LRRC4C: variants seen among roughly 807,000 people sequenced by gnomAD.
LRRC4C encodes leucine rich repeat containing 4C, also known as leucine-rich repeat-containing protein 4C.
A neutral mutation model predicts 33.6 loss-of-function variants in LRRC4C; 5 were observed. That is an observed-to-expected ratio of 0.15 (90% confidence interval 0.08 to 0.31). The LOEUF is 0.31. LRRC4C is among the 10% of genes least tolerant of loss of function. The probability of loss-of-function intolerance (pLI) is 1.00; values close to 1 mark genes in which losing one functional copy is unlikely to be tolerated. For missense variants in LRRC4C, 560 were observed against 796.7 expected, an observed-to-expected ratio of 0.70 and a Z score of 3.58; for synonymous variants, 329 against 302.0, an observed-to-expected ratio of 1.09 and a Z score of -0.93.
intron 1 of LRRC4C, among the ~76,000 whole-genome samples, chr11:40,992,087 C>T (rs951348894): frequency 2.0e-5 from 3 of 152,144 alleles, no homozygotes; most frequent in Admixed American, 2.0e-4. Flanking sequence ...TTTCACATAT[C>T]ACATATCCAC....
intron 3 of LRRC4C, among the ~76,000 whole-genome samples, chr11:40,494,559 GT>G (rs1954329059): frequency 6.6e-6 from 1 of 151,956 alleles, no homozygotes; most frequent in Admixed American, 6.6e-5. Context: ...CTATGTTTCT[GT>G]TTTACATATG....
chr11:41,401,585 G>T (rs1591437449), intron 1 of LRRC4C, among the ~76,000 whole-genome samples: 1 of 151,860 alleles, frequency 6.6e-6, no homozygotes, highest in East Asian at 1.9e-4. Flanking sequence ...GGATTTAACT[G>T]GCAAAGGACA....
intron 1 of LRRC4C, among the ~76,000 whole-genome samples, chr11:41,445,783 C>CA (rs1181247550): frequency 1.3e-5 from 2 of 150,938 alleles, no homozygotes; most frequent in Admixed American, 6.6e-5. Context: ...TATTTTATAA[C>CA]AAAAAAAGAA....
Position 40,646,764 on chromosome 11 carries a change from G to A in LRRC4C, c.-270+1378C>T, listed in dbSNP as rs12288703. Among the ~76,000 whole-genome samples the A allele has an allele frequency of 6.2e-3, 948 of 152,132 alleles. 16 individuals carry two copies. Among genetic ancestry groups the A allele is most frequent in the African/African-American group, 0.022 (894 of 41,516 alleles). On this transcript the variant is annotated intron_variant, in intron 3 of 6. Coordinates refer to ENST00000528697, the MANE Select transcript of LRRC4C (RefSeq NM_001258419.2). ...TGGGACTACAGGCGCCCACCACCGC[G>A]CCCAGCTAATTTTTCGTATTTTCAG... is the stretch of plus-strand genomic sequence containing the variant.
chr11:40,689,006 A>G (rs949784583), intron 2 of LRRC4C, among the ~76,000 whole-genome samples: 3 of 152,136 alleles, frequency 2.0e-5, no homozygotes, highest in Non-Finnish European at 2.9e-5. Context: ...GTTGGAAAAC[A>G]GCGGATGAGG....
At chr11:40,262,894 T>TG (rs1941964620) in intron 4 of LRRC4C, among the ~76,000 whole-genome samples, 2 of 151,596 alleles carry the variant, frequency 1.3e-5, no homozygotes, top group African/African-American at 4.9e-5. Context: ...GGCGGGTTGA[T>TG]GGGTGCAGCA....
At chr11:41,079,665 C>T (rs1939418860) in intron 1 of LRRC4C, among the ~76,000 whole-genome samples, 1 of 152,164 alleles carries the variant, frequency 6.6e-6, no homozygotes, top group Non-Finnish European at 1.5e-5. Flanking sequence ...AATATGAAAG[C>T]TTAGAACAAA....
At chr11:41,369,615 T>C (rs1021579276) in intron 1 of LRRC4C, among the ~76,000 whole-genome samples, 1 of 152,084 alleles carries the variant, frequency 6.6e-6, no homozygotes, top group African/African-American at 2.4e-5. Flanking sequence ...GCAGGATTTA[T>C]GCTAGATCTA....
chr11:40,472,451 AGCT>A, intron 3 of LRRC4C, among the ~76,000 whole-genome samples: 1 of 150,420 alleles, frequency 6.6e-6, no homozygotes, highest in African/African-American at 2.4e-5. Flanking sequence ...TCTGGGACAC[AGCT>A]AAAGAAGTGT....
intron 2 of LRRC4C, among the ~76,000 whole-genome samples, chr11:40,762,577 CCT>C (rs1949269775): frequency 6.6e-6 from 1 of 152,016 alleles, no homozygotes; most frequent in Non-Finnish European, 1.5e-5. Context: ...AGTCTGTTCC[CCT>C]GTCATAGTAT....
In LRRC4C at chr11:40,710,941, G is replaced by A. The variant is rs544382136; in HGVS notation, c.-406-62663C>T. On this transcript the variant is annotated intron_variant, in intron 2 of 6. Coordinates refer to ENST00000528697, the MANE Select transcript of LRRC4C (RefSeq NM_001258419.2). ...CTCCCCTAGTCAGGCTTGCTGCCTC[G>A]CAATATGATCTGAGACTAGCAGTGG... is the stretch of plus-strand genomic sequence containing the variant. Among the ~76,000 whole-genome samples, 14 of 152,224 alleles carry A rather than the reference G, an allele frequency of 9.2e-5. No homozygotes were observed. In the South Asian group the frequency reaches 1.9e-3, roughly 20 times the overall value.
intron 1 of LRRC4C, among the ~76,000 whole-genome samples, chr11:41,371,978 T>C (rs1406383870): frequency 6.6e-6 from 1 of 151,966 alleles, no homozygotes; most frequent in South Asian, 2.1e-4. Flanking sequence ...TACTAAAAAA[T>C]ACAAAGAAAT....
At chr11:40,945,548 C>A (rs1405057336) in intron 1 of LRRC4C, among the ~76,000 whole-genome samples, 1 of 152,104 alleles carries the variant, frequency 6.6e-6, no homozygotes, top group Non-Finnish European at 1.5e-5. Flanking sequence ...CCTTACAACT[C>A]CAATTTCAAA....
At position 40,802,456 on chromosome 11, in the gene LRRC4C, A is replaced by T. The variant is rs373314383; in HGVS notation, c.-407+131179T>A. ...AGAGAAATGCTGCTGAAACCAGAGC[A>T]TTTAATAAAACACCCAGAAATTGGA... On this transcript the variant is annotated intron_variant, in intron 2 of 6. Transcript: ENST00000528697. 2.0e-5 allele frequency among the ~76,000 whole-genome samples: 3 copies of T among 152,144 alleles called. No homozygotes were observed. The East Asian group carries it at 5.8e-4, about 29-fold the overall frequency.
chr11:41,342,173 C>T (rs549863019), intron 1 of LRRC4C, among the ~76,000 whole-genome samples: 42 of 151,542 alleles, frequency 2.8e-4, no homozygotes, highest in Non-Finnish European at 4.6e-4. Context: ...GACAACACTG[C>T]CTAAAATATT....
rs139148148 is a variant in LRRC4C, at chr11:41,158,898, A to G, written c.-495-225175T>C. ...CTAAAATTAAGTTTTCAGATATTCA[A>G]GAGGCTGATCTTATCCCATAAGACA... On this transcript the variant is annotated intron_variant, in intron 1 of 6. Coordinates refer to ENST00000528697, the MANE Select transcript of LRRC4C (RefSeq NM_001258419.2). Among the ~76,000 whole-genome samples the G allele has an allele frequency of 5.3e-5, 8 of 152,328 alleles. No homozygotes were observed. In the East Asian group the frequency reaches 1.5e-3, roughly 29 times the overall value.
At position 40,842,487 on chromosome 11, in the gene LRRC4C, T is replaced by C. The variant is rs184296826; in HGVS notation, c.-407+91148A>G. ...TAAATGTGTATACATTGTAGAATGG[T>C]TACATTGAGCTAATTTACAAATGCA... is the stretch of plus-strand genomic sequence containing the variant. On this transcript the variant is annotated intron_variant, in intron 2 of 6. Coordinates refer to ENST00000528697, the MANE Select transcript of LRRC4C (RefSeq NM_001258419.2). Among the ~76,000 whole-genome samples, 518 of 152,288 alleles carry C rather than the reference T, an allele frequency of 3.4e-3. 6 individuals carry two copies. Among genetic ancestry groups the C allele is most frequent in the African/African-American group, 0.012 (482 of 41,574 alleles).
intron 3 of LRRC4C, among the ~76,000 whole-genome samples, chr11:40,505,138 G>A (rs1047423675): frequency 6.6e-6 from 1 of 152,070 alleles, no homozygotes; most frequent in Non-Finnish European, 1.5e-5. Context: ...TGGCAGTTGG[G>A]AGAAAAATAG....
At chr11:41,357,840 T>C (rs1430966297) in intron 1 of LRRC4C, among the ~76,000 whole-genome samples, 1 of 152,158 alleles carries the variant, frequency 6.6e-6, no homozygotes, top group Non-Finnish European at 1.5e-5. Context: ...TCTTCCCAAC[T>C]TGATCTACAG....
Sources: allele counts gnomAD v4.1 joint callset (sites outside exome capture counted in the v4.1 genomes callset), GRCh38; gene constraint gnomAD v4.1.1; transcripts MANE v1.5; gene names NCBI Gene and HGNC (gene_info 2026-07-23, HGNC 2026-07-21).